HSPBP1: variants seen among roughly 807,000 people sequenced by gnomAD.
HSPBP1 encodes HSPA (Hsp70) binding protein 1.
HSPBP1 carries 31 observed loss-of-function variants against 41.7 expected under a neutral mutation model. The ratio of observed to expected loss-of-function variants is 0.74; its 90% CI spans 0.56 to 1.00. The LOEUF (loss-of-function observed/expected upper bound fraction) is 1.00, where lower values mean the gene tolerates loss of function less well. HSPBP1 is among the 50% of genes least tolerant of loss of function. HSPBP1 has a pLI of 0.00. For missense variants in HSPBP1, 439 were observed against 487.9 expected (o/e 0.90, Z 0.94); for synonymous variants, 199 against 214.4 (o/e 0.93, Z 0.63).
At chr19:55,278,012 C>G (rs1054789025) in intron 2 of HSPBP1, among the ~76,000 whole-genome samples, 166 bp from the exon 3 acceptor site, 2 of 152,158 alleles carry the variant, frequency 1.3e-5, no homozygotes, top group African/African-American at 4.8e-5. Context: ...TTTGGGAGGC[C>G]GAGGTGGGTA....
rs150486738 is a variant in HSPBP1 at position 55,274,425 on chromosome 19, G to A, written c.613C>T (p.Arg205Cys). The part of the protein sequence containing the change: ...LLDRDACDTV[R>C]VKALFAISCL... Reference sequence around the variant, plus strand: ...GAGATGGCGAAGAGGGCCTTGACGCGCACCGTGTCGCAGGCGTCGCGGTCC... The same window carrying A: ...GAGATGGCGAAGAGGGCCTTGACGCACACCGTGTCGCAGGCGTCGCGGTCC... Residue 205 changes from arginine to cysteine, a missense_variant, in exon 4 of 8, where the codon CGC (arginine) becomes TGC (cysteine). Physicochemically the swap from Arg to Cys is radical, Grantham distance 180. Transcript: ENST00000433386. 8.4e-4 allele frequency: 1,238 copies of A among 1,481,826 alleles called. 1 individual carries two copies. Among genetic ancestry groups the A allele is most frequent in the Non-Finnish European group, 1.1e-3 (1,166 of 1,107,748 alleles). 91.8% of individuals were successfully genotyped at this position (1,481,826 alleles called of 1,614,324 possible).
rs970279346 is a variant in HSPBP1 at position 55,270,453 on chromosome 19, ACAACCTCATG to A, written c.640+3935_640+3944del. 5.9e-5 allele frequency among the ~76,000 whole-genome samples: 9 copies of A among 152,018 alleles called. No homozygotes were observed. Among genetic ancestry groups the A allele is most frequent in the African/African-American group, 1.7e-4 (7 of 41,426 alleles). ...AACGAGGCCCGGCTGACGGCTGACCACAACCTCATGCAACCTCATGCAACCTCATGAAGAC... is the reference window on the plus strand; with the variant it reads ...AACGAGGCCCGGCTGACGGCTGACCACAACCTCATGCAACCTCATGAAGAC... On this transcript the variant is annotated intron_variant, in intron 4 of 7. Transcript: ENST00000433386. This position sits in a 1 kb window ranked among gnomAD's most constrained non-coding sequence, Gnocchi z 5.4.
At chr19:55,277,884 C>CG in intron 2 of HSPBP1, 38 bp from the exon 3 acceptor site, 1 of 1,455,908 alleles carries the variant, frequency 6.9e-7, no homozygotes, top group South Asian at 1.4e-5. Flanking sequence ...GGAGATCCAT[C>CG]AGTCATTCAT....
chr19:55,271,130 T>A (rs980568038), intron 4 of HSPBP1, among the ~76,000 whole-genome samples: 2 of 152,150 alleles, frequency 1.3e-5, no homozygotes, highest in African/African-American at 4.8e-5. Context: ...GGGACCAGGT[T>A]TGGGGACAGG....
At position 55,268,536 on chromosome 19, in the gene HSPBP1, A is replaced by C. The variant is rs974126587; in HGVS notation, c.641-2250T>G. ...AACTCAGCATGTTGCGATGTGCTTCATTTGTAAAATGCACACACTAGGTTT... is the reference window on the plus strand; with the variant it reads ...AACTCAGCATGTTGCGATGTGCTTCCTTTGTAAAATGCACACACTAGGTTT... On this transcript the variant is annotated intron_variant, in intron 4 of 7. Coordinates refer to ENST00000433386, the MANE Select transcript of HSPBP1 (RefSeq NM_012267.5). The surrounding 1 kb of genome is among the most constrained non-coding windows in gnomAD (Gnocchi z 4.5). Among the ~76,000 whole-genome samples, 1 of 152,228 alleles carries C rather than the reference A, an allele frequency of 6.6e-6. No homozygotes were observed. Among genetic ancestry groups the C allele is most frequent in the Admixed American group, 6.5e-5 (1 of 15,280 alleles).
At chr19:55,275,872 C>T (rs928713431) in intron 3 of HSPBP1, among the ~76,000 whole-genome samples, 2 of 150,974 alleles carry the variant, frequency 1.3e-5, no homozygotes, top group East Asian at 1.9e-4. Flanking sequence ...CGTTTGAACC[C>T]GGGAGGCACA....
Position 55,274,005 on chromosome 19 carries a change from G to A in HSPBP1, c.640+393C>T, listed in dbSNP as rs116205566. On this transcript the variant is annotated intron_variant, in intron 4 of 7. Transcript: ENST00000433386. ...CTACATCTAGGGGCATTTGTGCGCT[G>A]GCAGGTGGGGTGATAGTGTCTCTCC... 6.0e-3 allele frequency among the ~76,000 whole-genome samples: 909 copies of A among 152,182 alleles called. 6 individuals carry two copies. Among genetic ancestry groups the A allele is most frequent in the African/African-American group, 0.021 (875 of 41,524 alleles).
intron 4 of HSPBP1, 148 bp downstream of exon 4, chr19:55,274,250 A>G: frequency 1.3e-6 from 1 of 785,212 alleles, no homozygotes; most frequent in East Asian, 2.7e-5. Flanking sequence ...CTCTGCCCGC[A>G]GCACTCAGCC....
intron 4 of HSPBP1, among the ~76,000 whole-genome samples, chr19:55,266,630 C>T (rs528933497): frequency 5.1e-4 from 77 of 149,852 alleles, no homozygotes; most frequent in African/African-American, 1.8e-3. Context: ...CTACCATTAA[C>T]AATATAATTA....
intron 3 of HSPBP1, among the ~76,000 whole-genome samples, chr19:55,274,884 C>T (rs2088029634): frequency 6.6e-6 from 1 of 152,162 alleles, no homozygotes; most frequent in African/African-American, 2.4e-5. Context: ...CAAAAAATGC[C>T]TTCTGCAAGC....
chr19:55,265,522 C>T (rs1054516800), intron 6 of HSPBP1, 133 bp from the exon 7 acceptor site: 2 of 743,036 alleles, frequency 2.7e-6, no homozygotes. Flanking sequence ...CCTCCATTTC[C>T]CCATCTGCGG....
In HSPBP1 at chr19:55,266,258, C is replaced by T. The variant is rs757302988; in HGVS notation, c.669G>A (p.Leu223=). The change falls in exon 5 of 8, where the codon CTG becomes CTA. Residue 223 remains leucine, a synonymous_variant. Coordinates refer to ENST00000433386, the MANE Select transcript of HSPBP1 (RefSeq NM_012267.5). The stretch of plus-strand genomic sequence containing the variant: ...AGCCGTCCAGGCGGAGGAACTGCAG[C>T]AGCCCAGCCTCCTGCTCTCGGACCA... ...SCLVREQEAG[L]LQFLRLDGFS... is the part of the protein sequence containing the mutation. 2 of 1,582,130 alleles carry T rather than the reference C, an allele frequency of 1.3e-6. No individual in the cohort carries two copies. Among genetic ancestry groups the T allele is most frequent in the South Asian group, 2.3e-5 (2 of 86,604 alleles).
intron 4 of HSPBP1, among the ~76,000 whole-genome samples, chr19:55,274,116 G>A (rs557879431): frequency 7.4e-4 from 113 of 152,144 alleles, no homozygotes; most frequent in Non-Finnish European, 7.9e-4. Flanking sequence ...GCGCCAGTGT[G>A]AACAGTGCCC....
upstream of HSPBP1, chr19:55,280,209 C>A (rs2088196006): frequency 5.9e-6 from 1 of 170,018 alleles, no homozygotes; most frequent in Non-Finnish European, 1.3e-5. Flanking sequence ...ACTCTTATCC[C>A]CTTCTCACCT....
intron 4 of HSPBP1, among the ~76,000 whole-genome samples, chr19:55,271,825 T>C (rs1002653429): frequency 1.3e-5 from 2 of 152,132 alleles, no homozygotes; most frequent in African/African-American, 4.8e-5. Context: ...TTAGGGAGGC[T>C]GAGGTGCTCA....
chr19:55,270,141 A>G lies in HSPBP1; in HGVS notation c.641-3855T>C, dbSNP rs1226394638. 6.6e-6 allele frequency among the ~76,000 whole-genome samples: 1 copy of G among 152,208 alleles called. No homozygotes were observed. The highest frequency in any genetic ancestry group is 1.5e-5 in the Non-Finnish European group (1 of 68,042). On this transcript the variant is annotated intron_variant, in intron 4 of 7. Coordinates refer to ENST00000433386, the MANE Select transcript of HSPBP1 (RefSeq NM_012267.5). This position sits in a 1 kb window ranked among gnomAD's most constrained non-coding sequence, Gnocchi z 5.4. ...AAGGACAGATGCCACTGAATGGTAT[A>G]CTTTAACATTTTCATGTGAATTTTA...
rs929577144 is a variant in HSPBP1 at position 55,274,688 on chromosome 19, A to G, written c.416-66T>C. 15 of 1,340,184 alleles carry G rather than the reference A, an allele frequency of 1.1e-5. No individual in the cohort carries two copies. The African/African-American group carries it at 1.7e-4, about 15-fold the overall frequency. 83.0% of individuals were successfully genotyped at this position (1,340,184 alleles called of 1,614,324 possible). A position where few individuals can be genotyped will look rare whatever the true frequency, so the allele number is the denominator to read the frequency against. ...GACTGAACCGTGCCCCCCAAAATGC[A>G]TGGGTTGATGTTCTGACCCCCAGTA... is the stretch of plus-strand genomic sequence containing the variant. On this transcript the variant is annotated intron_variant, in intron 3 of 7. Coordinates refer to ENST00000433386, the MANE Select transcript of HSPBP1 (RefSeq NM_012267.5).
At chr19:55,276,104 CAAAAAAAAAAA>C (rs59561808) in intron 3 of HSPBP1, among the ~76,000 whole-genome samples, 21 of 66,006 alleles carry the variant, frequency 3.2e-4, no homozygotes, top group Admixed American at 1.1e-3. Context: ...GAGACTGACT[CAAAAAAAAAAA>C]AAAAAAAAAA....
rs143805901 is a variant in HSPBP1 at position 55,279,501 on chromosome 19, C to T, written c.108G>A (p.Ser36=). ...GGGGGSSAGG[S]GNSRPPRNLQ... is the part of the protein sequence containing the mutation. ...GGTTGCGTGGGGGCCGGGAATTGCC[C>T]GAGCCCCCAGCCGAGGAGCCGCCGC... Residue 36 remains serine (S), a synonymous_variant, in exon 2 of 8, where the codon TCG becomes TCA. Coordinates refer to ENST00000433386, the MANE Select transcript of HSPBP1 (RefSeq NM_012267.5). 14 of 1,587,424 alleles carry T rather than the reference C, an allele frequency of 8.8e-6. No individual in the cohort carries two copies. The highest frequency in any genetic ancestry group is 1.2e-5 in the Non-Finnish European group (14 of 1,172,908).
Sources: gnomAD v4.1 joint callset for allele counts (sites outside exome capture counted in the v4.1 genomes callset) on GRCh38, gnomAD v4.1.1 for gene constraint, Gnocchi (gnomAD v3.1) non-coding constraint, MANE v1.5 for transcripts, NCBI Gene and HGNC (gene_info 2026-07-23, HGNC 2026-07-21) for gene names.